Variants in GCKR observed in about 807,000 individuals in gnomAD.
GCKR encodes glucokinase regulator, also known as glucokinase regulatory protein.
A neutral mutation model predicts 82.9 loss-of-function variants in GCKR; 73 were observed. That is an observed-to-expected ratio of 0.88 (90% CI 0.73 to 1.07). GCKR has a LOEUF of 1.07. Among genes scored for constraint, GCKR ranks in the 50% least tolerant of loss-of-function variants. GCKR has a pLI of 0.00. For missense variants in GCKR, 784 were observed against 782.1 expected (o/e 1.00, Z -0.03); for synonymous variants, 294 against 291.8 (o/e 1.01, Z -0.08).
Position 27,523,350 on chromosome 2 carries a change from G to T in GCKR, c.1789G>T (p.Val597Phe), listed in dbSNP as rs772516689. Residue 597 changes from valine (V) to phenylalanine (F), a missense_variant, in exon 19 of 19, where the codon GTC becomes TTC. Physicochemically the swap from Val to Phe is conservative, Grantham distance 50 (BLOSUM62 -1). Coordinates refer to ENST00000264717, the MANE Select transcript of GCKR (RefSeq NM_001486.4). ...AQAHLAAAPS[V>F]CEAVRSALAG... The stretch of plus-strand genomic sequence containing the variant: ...GGCACACCTGGCTGCAGCTCCTTCT[G>T]TCTGTGAGGCTGTCAGGAGTGCTCT... The T allele has an allele frequency of 1.2e-6, 2 of 1,612,844 alleles. No individual in the cohort carries two copies. Among genetic ancestry groups the T allele is most frequent in the Non-Finnish European group, 1.7e-6 (2 of 1,179,994 alleles).
chr2:27,502,542 C>T lies in GCKR; in HGVS notation c.645-972C>T, dbSNP rs540435196. Among the ~76,000 whole-genome samples the T allele has an allele frequency of 1.1e-4, 16 of 152,212 alleles. No individual in the cohort carries two copies. In the East Asian group the frequency reaches 2.9e-3, roughly 28 times the overall value. On this transcript the variant is annotated intron_variant, in intron 8 of 18. Transcript: ENST00000264717. ...CAAAACTCCCCAGATGATTTGGATG[C>T]CCAGCTGTGTTTAGGAATCTCGACG...
At chr2:27,508,799 C>T (rs992806949) in intron 16 of GCKR, among the ~76,000 whole-genome samples, 1 of 152,026 alleles carries the variant, frequency 6.6e-6, no homozygotes, top group Non-Finnish European at 1.5e-5. Context: ...AGGTGTAAGC[C>T]GCTGCGCCTG....
intron 11 of GCKR, 92 bp from the exon 12 acceptor site, chr2:27,506,696 T>TCC: frequency 9.2e-7 from 1 of 1,092,024 alleles, no homozygotes; most frequent in Non-Finnish European, 1.4e-6. Context: ...TGTTGAAGGG[T>TCC]CATGGTTTGT....
chr2:27,499,281 A>G (rs1400273332), intron 6 of GCKR, 73 bp downstream of exon 6: 2 of 1,367,462 alleles, frequency 1.5e-6, no homozygotes, highest in East Asian at 2.3e-5. Context: ...AAGCCCCAGC[A>G]TTCAGCCAAA....
At position 27,523,649 on chromosome 2, in the gene GCKR, A is replaced by T; in HGVS notation, c.*210A>T. The T allele has an allele frequency of 1.7e-6, 1 of 584,724 alleles. No individual in the cohort carries two copies. The highest frequency in any genetic ancestry group is 3.1e-6 in the Non-Finnish European group (1 of 327,210). 36.2% of individuals were successfully genotyped at this position (584,724 alleles called of 1,614,324 possible). The stretch of plus-strand genomic sequence containing the variant: ...TTTCTACTCTCACCGACTTATTCTG[A>T]TTTCAGAAATAAAATGAAATGTCTT... On this transcript the variant is annotated 3_prime_UTR_variant, in exon 19 of 19. Transcript: ENST00000264717.
intron 16 of GCKR, among the ~76,000 whole-genome samples, chr2:27,511,165 T>A (rs1055455344): frequency 6.6e-6 from 1 of 152,082 alleles, no homozygotes; most frequent in Admixed American, 6.6e-5. Flanking sequence ...GTAGCTGGGA[T>A]TACAGGCACA....
rs1249874193 is a variant in GCKR, at chr2:27,522,520, C to A, written c.1633C>A (p.Pro545Thr). Residue 545 changes from proline (P) to threonine (T), a missense_variant, in exon 18 of 19, where the codon CCC (proline) becomes ACC (threonine). Physicochemically the swap from Pro to Thr is conservative, Grantham distance 38. Transcript: ENST00000264717. Reference sequence around the variant, plus strand: ...GAGCCTCCTCCGAGCGATCCACTTTCCCCAGCCACTGTCAGATGATATTCG... The same window carrying A: ...GAGCCTCCTCCGAGCGATCCACTTTACCCAGCCACTGTCAGATGATATTCG... ...IESLLRAIHF[P>T]QPLSDDIRAA... 5.6e-6 allele frequency: 9 copies of A among 1,613,818 alleles called. No homozygotes were observed. The highest frequency in any genetic ancestry group is 1.7e-5 in the Admixed American group (1 of 60,024).
chr2:27,502,903 T>C (rs1373341239), intron 8 of GCKR, among the ~76,000 whole-genome samples: 1 of 152,218 alleles, frequency 6.6e-6, no homozygotes, highest in Non-Finnish European at 1.5e-5. Flanking sequence ...TCGTCATTCT[T>C]TGAGATTCCG....
rs976165721 is a variant in GCKR, at chr2:27,507,135, G to A, written c.1067-100G>A. On this transcript the variant is annotated intron_variant, in intron 12 of 18. Coordinates refer to ENST00000264717, the MANE Select transcript of GCKR (RefSeq NM_001486.4). ...CTACTCCTCACTCTACGCCCCACTTGCCACTTTTCCTCCCAGTCCCATTTT... is the reference window on the plus strand; with the variant it reads ...CTACTCCTCACTCTACGCCCCACTTACCACTTTTCCTCCCAGTCCCATTTT... 87 of 877,602 alleles carry A rather than the reference G, an allele frequency of 9.9e-5. 1 individual carries two copies. Among genetic ancestry groups the A allele is most frequent in the Middle Eastern group, 4.3e-4 (2 of 4,672 alleles). 54.4% of individuals were successfully genotyped at this position (877,602 alleles called of 1,614,324 possible). A position where few individuals can be genotyped will look rare whatever the true frequency, so the allele number is the denominator to read the frequency against.
At chr2:27,498,345 T>G in intron 4 of GCKR, 22 bp downstream of exon 4, 1 of 1,584,636 alleles carries the variant, frequency 6.3e-7, no homozygotes, top group Non-Finnish European at 8.7e-7. Context: ...GGTCTCCAGT[T>G]TTCTTCCCCC....
At chr2:27,506,726 TG>T in intron 11 of GCKR, 61 bp from the exon 12 acceptor site, 1 of 1,150,612 alleles carries the variant, frequency 8.7e-7, no homozygotes, top group Non-Finnish European at 1.3e-6. Flanking sequence ...TGTTCTTCTG[TG>T]GACATCTCTG....
At chr2:27,506,635 G>A in intron 11 of GCKR, 56 bp downstream of exon 11, 1 of 1,272,080 alleles carries the variant, frequency 7.9e-7, no homozygotes, top group East Asian at 2.3e-5. Context: ...AATACTGAGA[G>A]CAGGGAGACT....
intron 16 of GCKR, among the ~76,000 whole-genome samples, chr2:27,515,873 C>T (rs1356832695): frequency 6.6e-6 from 1 of 150,666 alleles, no homozygotes; most frequent in African/African-American, 2.4e-5. Flanking sequence ...AAGCAATCAT[C>T]CCACCTCAGC....
At chr2:27,519,752 G>A (rs1670106336) in intron 17 of GCKR, among the ~76,000 whole-genome samples, 1 of 152,098 alleles carries the variant, frequency 6.6e-6, no homozygotes, top group Non-Finnish European at 1.5e-5. Flanking sequence ...CTCTTGCTTG[G>A]GACACATGCA....
intron 16 of GCKR, among the ~76,000 whole-genome samples, chr2:27,513,527 CAA>C (rs35348937): frequency 5.2e-5 from 7 of 133,432 alleles, no homozygotes; most frequent in Admixed American, 7.6e-5. Flanking sequence ...GACTCCGTCA[CAA>C]AAAAAAAAAA....
At chr2:27,501,676 T>C (rs1669582117) in intron 8 of GCKR, 1 of 468,086 alleles carries the variant, frequency 2.1e-6, no homozygotes. Flanking sequence ...GCCCATTCTC[T>C]CTCATCATTC....
chr2:27,511,750 CTTTTA>C (rs1293142223), intron 16 of GCKR, among the ~76,000 whole-genome samples: 3 of 152,064 alleles, frequency 2.0e-5, no homozygotes, highest in Admixed American at 1.3e-4. Flanking sequence ...TGTTCCTACA[CTTTTA>C]TTTTGTTTTG....
rs1286769245 is a variant in GCKR, at chr2:27,505,755, G to C, written c.788G>C (p.Gly263Ala). Residue 263 changes from glycine to alanine, a missense_variant, in exon 10 of 19, where the codon GGA becomes GCA. By Grantham distance (60) the Gly-to-Ala change is moderately conservative. Transcript: ENST00000264717. ...AGCGGCTCCTCCCGGATGAAAGGTGGAAGTGCCACCAAGATTCTGCTGGAA... is the reference window on the plus strand; with the variant it reads ...AGCGGCTCCTCCCGGATGAAAGGTGCAAGTGCCACCAAGATTCTGCTGGAA... ...GLSGSSRMKGGSATKILLETL... is the reference protein window; with the variant it reads ...GLSGSSRMKGASATKILLETL... 6.2e-7 allele frequency: 1 copy of C among 1,612,628 alleles called. No homozygotes were observed. Among genetic ancestry groups the C allele is most frequent in the East Asian group, 2.2e-5 (1 of 44,860 alleles).
chr2:27,501,081 C>T (rs1669562110), intron 7 of GCKR, 54 bp from the exon 8 acceptor site: 7 of 1,209,074 alleles, frequency 5.8e-6, no homozygotes, highest in Non-Finnish European at 8.6e-6. Context: ...GAGCCTTGGG[C>T]ACCACTCAGA....
Sources: allele counts gnomAD v4.1 joint callset (sites outside exome capture counted in the v4.1 genomes callset), GRCh38; gene constraint gnomAD v4.1.1; transcripts MANE v1.5; gene names NCBI Gene and HGNC (gene_info 2026-07-23, HGNC 2026-07-21).